ARHGAP15: variants seen among roughly 807,000 people sequenced by gnomAD.
ARHGAP15 encodes Rho GTPase activating protein 15.
ARHGAP15 carries 51 observed loss-of-function variants against 63.7 expected under a neutral mutation model. That is an observed-to-expected ratio of 0.80 (90% confidence interval 0.64 to 1.01). The LOEUF is 1.01. ARHGAP15 is among the 50% of genes least tolerant of loss of function. The pLI is 0.00. For synonymous variants in ARHGAP15, 191 were observed against 193.8 expected (o/e 0.99, Z 0.12); for missense variants, 560 against 564.6 (o/e 0.99, Z 0.08).
At chr2:143,288,622 CTTT>C (rs35206838) in intron 6 of ARHGAP15, among the ~76,000 whole-genome samples, 3 of 145,056 alleles carry the variant, frequency 2.1e-5, no homozygotes, top group Non-Finnish European at 1.5e-5. Flanking sequence ...CCTCGGGACA[CTTT>C]TTTTTTTTTT....
At chr2:143,413,969 G>GCGCGCGCGCA in intron 6 of ARHGAP15, among the ~76,000 whole-genome samples, 2 of 150,610 alleles carry the variant, frequency 1.3e-5, no homozygotes, top group African/African-American at 2.4e-5. Context: ...GTGTGTGTGC[G>GCGCGCGCGCA]CGCTCTCTGG....
intron 6 of ARHGAP15, among the ~76,000 whole-genome samples, chr2:143,266,095 G>T (rs1221322332): frequency 2.0e-5 from 3 of 151,934 alleles, no homozygotes; most frequent in Non-Finnish European, 2.9e-5. Flanking sequence ...ATAGTACTGA[G>T]TAGAGCTCCA....
intron 11 of ARHGAP15, among the ~76,000 whole-genome samples, chr2:143,605,886 A>AAAAAAAAAG (rs869151020): frequency 2.1e-5 from 3 of 142,980 alleles, no homozygotes; most frequent in African/African-American, 5.1e-5. Context: ...AAAAAAAAAA[A>AAAAAAAAAG]TTAGCCAGGC....
At chr2:143,460,586 G>A (rs1304174236) in intron 8 of ARHGAP15, among the ~76,000 whole-genome samples, 1 of 152,146 alleles carries the variant, frequency 6.6e-6, no homozygotes, top group Non-Finnish European at 1.5e-5. Context: ...AGCACAAATT[G>A]TGGTTTATTG....
intron 6 of ARHGAP15, among the ~76,000 whole-genome samples, chr2:143,289,223 G>A (rs1355773121): frequency 6.6e-6 from 1 of 152,168 alleles, no homozygotes; most frequent in Non-Finnish European, 1.5e-5. Context: ...AGGCTAGCAT[G>A]ACATGATGGA....
chr2:143,239,990 CAAAAAAAAAAAAAA>C (rs60960176), intron 5 of ARHGAP15, among the ~76,000 whole-genome samples: 539 of 26,504 alleles, frequency 0.02, 8 homozygotes, highest in African/African-American at 0.063. Context: ...GACTCTGTCT[CAAAAAAAAAAAAAA>C]AAAAAAAAAA....
At chr2:143,707,500 T>G in intron 13 of ARHGAP15, among the ~76,000 whole-genome samples, 1 of 152,210 alleles carries the variant, frequency 6.6e-6, no homozygotes, top group Non-Finnish European at 1.5e-5. Context: ...GAATCCGATT[T>G]TGGCAGGTGT....
At chr2:143,224,961 G>A (rs971939167) in intron 4 of ARHGAP15, among the ~76,000 whole-genome samples, 2 of 152,106 alleles carry the variant, frequency 1.3e-5, no homozygotes, top group Non-Finnish European at 1.5e-5. Context: ...ACCAAACACC[G>A]CATGTTCTCA....
chr2:143,502,481 G>A (rs1693109299), intron 9 of ARHGAP15, among the ~76,000 whole-genome samples: 1 of 152,148 alleles, frequency 6.6e-6, no homozygotes, highest in African/African-American at 2.4e-5. Flanking sequence ...ACTTCCCTGT[G>A]ATAAGCCAAA....
At chr2:143,452,926 A>T (rs1021578416) in intron 8 of ARHGAP15, among the ~76,000 whole-genome samples, 4 of 151,998 alleles carry the variant, frequency 2.6e-5, no homozygotes, top group Non-Finnish European at 5.9e-5. Context: ...GAAATTATTT[A>T]ATTTTTACCC....
chr2:143,688,265 G>A (rs56176662), intron 12 of ARHGAP15, among the ~76,000 whole-genome samples: 73 of 152,260 alleles, frequency 4.8e-4, no homozygotes, highest in African/African-American at 1.4e-3. Flanking sequence ...ACGAAGAGAA[G>A]TAAACATTAT....
At chr2:143,241,786 G>C (rs1158276751) in intron 5 of ARHGAP15, among the ~76,000 whole-genome samples, 1 of 152,180 alleles carries the variant, frequency 6.6e-6, no homozygotes, top group Non-Finnish European at 1.5e-5. Flanking sequence ...CCTGAATTAA[G>C]AGCCTGACTT....
At chr2:143,163,972 C>A (rs1164403852) in intron 2 of ARHGAP15, among the ~76,000 whole-genome samples, 1 of 152,036 alleles carries the variant, frequency 6.6e-6, no homozygotes, top group Non-Finnish European at 1.5e-5. Flanking sequence ...TGGAAGGAAA[C>A]CCATCCCTAA....
chr2:143,721,513 C>G (rs962532611), intron 13 of ARHGAP15, among the ~76,000 whole-genome samples: 1 of 152,154 alleles, frequency 6.6e-6, no homozygotes, highest in Non-Finnish European at 1.5e-5. Flanking sequence ...CAGCAGTGGT[C>G]TGTCAGGACC....
intron 11 of ARHGAP15, among the ~76,000 whole-genome samples, chr2:143,588,410 G>T (rs532061840): frequency 6.6e-6 from 1 of 152,140 alleles, no homozygotes; most frequent in Non-Finnish European, 1.5e-5. Flanking sequence ...CAGAACGTGA[G>T]GTTTGCTGCA....
At chr2:143,472,746 C>T (rs1691637552) in intron 8 of ARHGAP15, among the ~76,000 whole-genome samples, 1 of 152,042 alleles carries the variant, frequency 6.6e-6, no homozygotes, top group African/African-American at 2.4e-5. Flanking sequence ...CTGTAATCTA[C>T]TTGAGTATAT....
chr2:143,546,988 G>A (rs1190943120), intron 10 of ARHGAP15, among the ~76,000 whole-genome samples: 1 of 152,042 alleles, frequency 6.6e-6, no homozygotes, highest in Non-Finnish European at 1.5e-5. Flanking sequence ...CCAATCTCCA[G>A]AAATCATTTC....
chr2:143,606,009 C>A (rs1208358490), intron 11 of ARHGAP15, among the ~76,000 whole-genome samples: 1 of 124,180 alleles, frequency 8.1e-6, no homozygotes, highest in African/African-American at 3.2e-5. Context: ...GCACTCCAAC[C>A]TGGGCGCCAG....
At chr2:143,550,600 A>C (rs907366239) in intron 10 of ARHGAP15, among the ~76,000 whole-genome samples, 36 of 152,344 alleles carry the variant, frequency 2.4e-4, no homozygotes, top group African/African-American at 8.4e-4. Flanking sequence ...ATATGTGGCC[A>C]GTGAATGCTG....
Sources: gnomAD v4.1 joint callset for allele counts (sites outside exome capture counted in the v4.1 genomes callset) on GRCh38, gnomAD v4.1.1 for gene constraint, MANE v1.5 for transcripts, NCBI Gene and HGNC (gene_info 2026-07-23, HGNC 2026-07-21) for gene names.